The following PCDHA5 variants were observed in gnomAD, a reference collection of about 807,000 sequenced individuals.
The protein encoded by PCDHA5 is protocadherin alpha 5.
PCDHA5 carries 43 observed loss-of-function variants against 61.6 expected under a neutral mutation model. That is an observed-to-expected ratio of 0.70 (90% CI 0.55 to 0.90). The LOEUF is 0.90. PCDHA5 is among the 40% of genes least tolerant of loss of function. The pLI is 0.00. For synonymous variants in PCDHA5, 627 were observed against 543.9 expected, an observed-to-expected ratio of 1.15 and a Z score of -2.13; for missense variants, 1,298 against 1,222.7, an observed-to-expected ratio of 1.06 and a Z score of -0.92.
intron 1 of PCDHA5, among the ~76,000 whole-genome samples, chr5:140,964,575 G>A (rs2153740589): frequency 6.6e-6 from 1 of 152,212 alleles, no homozygotes; most frequent in East Asian, 1.9e-4. Flanking sequence ...GGAGATAAGG[G>A]GAGGAAAGAT....
At chr5:140,948,259 G>A (rs1430770984) in intron 1 of PCDHA5, among the ~76,000 whole-genome samples, 3 of 151,464 alleles carry the variant, frequency 2.0e-5, no homozygotes, top group Non-Finnish European at 3.0e-5. Context: ...TTACATCTGT[G>A]TTCATGTAGA....
chr5:140,922,358 A>T (rs1273986507), intron 1 of PCDHA5, among the ~76,000 whole-genome samples: 2 of 152,212 alleles, frequency 1.3e-5, no homozygotes, highest in African/African-American at 4.8e-5. Flanking sequence ...TAGAGTAGTG[A>T]TTCTCACTGA....
At chr5:140,857,380 G>A (rs138042594) in intron 1 of PCDHA5, 8 of 1,598,488 alleles carry the variant, frequency 5.0e-6, no homozygotes, top group Middle Eastern at 1.7e-4. Flanking sequence ...CTGTGGAGGT[G>A]GCCGACGTGA....
chr5:140,857,728 C>G, intron 1 of PCDHA5: 1 of 1,597,418 alleles, frequency 6.3e-7, no homozygotes, highest in Non-Finnish European at 8.6e-7. Context: ...AGAACGACAA[C>G]GCTCCCGCGC....
Position 140,821,734 on chromosome 5 carries a change from G to A in PCDHA5, c.-42G>A. 5 of 1,534,086 alleles carry A rather than the reference G, an allele frequency of 3.3e-6. No homozygotes were observed. Among genetic ancestry groups the A allele is most frequent in the Non-Finnish European group, 4.4e-6 (5 of 1,134,562 alleles). On this transcript the variant is annotated 5_prime_UTR_variant, in exon 1 of 4. In the 5' UTR this introduces an upstream ATG that the reference lacks. Coordinates refer to ENST00000529859, the MANE Select transcript of PCDHA5 (RefSeq NM_018908.3). ...GAATTGAATTTACAAAATACATTGT[G>A]TGGTGATGCAATAGAAAGCTCATAA...
intron 1 of PCDHA5, chr5:140,877,039 C>A (rs782458785): frequency 6.2e-7 from 1 of 1,612,458 alleles, no homozygotes; most frequent in African/African-American, 1.3e-5. Context: ...GCTGCAGCCG[C>A]TAGACCACGA....
rs2150123830 is a variant in PCDHA5 at position 140,823,235 on chromosome 5, C to T, written c.1460C>T (p.Ala487Val). 4 of 1,613,550 alleles carry T rather than the reference C, an allele frequency of 2.5e-6. No homozygotes were observed. Among genetic ancestry groups the T allele is most frequent in the African/African-American group, 1.3e-5 (1 of 75,054 alleles). ...CGGGACGCGGACGCGCAGGAGAACGCCCTGGTGTCCTACTCGCTGGTGGAG... is the reference window on the plus strand; with the variant it reads ...CGGGACGCGGACGCGCAGGAGAACGTCCTGGTGTCCTACTCGCTGGTGGAG... ...SARDADAQEN[A>V]LVSYSLVERR... The change falls in exon 1 of 4, where the codon GCC becomes GTC. Residue 487 changes from alanine (A) to valine (V), a missense_variant. Ala to Val is a moderately conservative substitution (Grantham distance 64, BLOSUM62 0). Transcript: ENST00000529859.
intron 1 of PCDHA5, among the ~76,000 whole-genome samples, chr5:140,845,293 T>A (rs1779796501): frequency 6.7e-6 from 1 of 149,672 alleles, no homozygotes; most frequent in African/African-American, 2.4e-5. Flanking sequence ...CTATCCTGTC[T>A]ATGTCTACCT....
In PCDHA5 at chr5:140,829,776, C is replaced by A. The variant is rs2150174390; in HGVS notation, c.2352+5649C>A. On this transcript the variant is annotated intron_variant, in intron 1 of 3. Coordinates refer to ENST00000529859, the MANE Select transcript of PCDHA5 (RefSeq NM_018908.3). The stretch of plus-strand genomic sequence containing the variant: ...TTCGTGCTGGACGAGAACGACAACG[C>A]GCCGGCGCTGCTGGCGCCTCGGGTG... The A allele has an allele frequency of 9.3e-6, 15 of 1,613,686 alleles. No homozygotes were observed. In the East Asian group the frequency reaches 3.3e-4, roughly 36 times the overall value.
At chr5:140,889,273 T>C (rs1307102398) in intron 1 of PCDHA5, among the ~76,000 whole-genome samples, 3 of 152,054 alleles carry the variant, frequency 2.0e-5, no homozygotes, top group Admixed American at 6.5e-5. Flanking sequence ...GTATAATCTT[T>C]GAATTACTTC....
intron 1 of PCDHA5, among the ~76,000 whole-genome samples, chr5:140,926,042 T>A (rs1316278838): frequency 2.0e-5 from 3 of 152,148 alleles, no homozygotes; most frequent in African/African-American, 7.2e-5. Context: ...CGGACACTAT[T>A]CCCCAACCTT....
At chr5:140,926,972 C>A (rs782504064) in intron 1 of PCDHA5, 2 of 1,609,464 alleles carry the variant, frequency 1.2e-6, no homozygotes. Flanking sequence ...TACTCAGTGC[C>A]GGAGGAGACG....
At chr5:141,003,039 T>C (rs2098108520) in intron 3 of PCDHA5, among the ~76,000 whole-genome samples, 1 of 152,216 alleles carries the variant, frequency 6.6e-6, no homozygotes, top group Admixed American at 6.5e-5. Flanking sequence ...AAAGCCCTCC[T>C]GGCCTTAACA....
intron 3 of PCDHA5, among the ~76,000 whole-genome samples, chr5:140,986,846 A>G (rs782028314): frequency 6.6e-6 from 1 of 152,200 alleles, no homozygotes; most frequent in Non-Finnish European, 1.5e-5. Flanking sequence ...AAGGGGCAGC[A>G]ACACCAACAA....
chr5:140,909,268 A>C (rs946921668), intron 1 of PCDHA5, among the ~76,000 whole-genome samples: 1 of 152,240 alleles, frequency 6.6e-6, no homozygotes. Context: ...ACTGAAGGCA[A>C]ATTGCTTCTG....
chr5:140,875,632 C>G, intron 1 of PCDHA5: 1 of 1,613,710 alleles, frequency 6.2e-7, no homozygotes, highest in Non-Finnish European at 8.5e-7. Flanking sequence ...GGACCTGGGG[C>G]TGGAGCTGGC....
intron 1 of PCDHA5, among the ~76,000 whole-genome samples, chr5:140,955,553 C>A (rs782183120): frequency 2.6e-5 from 4 of 152,088 alleles, no homozygotes; most frequent in Non-Finnish European, 5.9e-5. Flanking sequence ...TGAGGCCTCC[C>A]CAGCCATACT....
intron 1 of PCDHA5, chr5:140,883,386 G>C (rs1554177993): frequency 6.2e-7 from 1 of 1,614,138 alleles, no homozygotes; most frequent in South Asian, 1.1e-5. Context: ...GCCCTAATCA[G>C]TGTGTCCGAT....
chr5:140,857,812 C>T lies in PCDHA5; in HGVS notation c.2352+33685C>T. ...TGCTGCGGTCGGTGGTTGCGGGTCACGTGGTGGCTAAGGTGCGCGCAGTGG... is the reference window on the plus strand; with the variant it reads ...TGCTGCGGTCGGTGGTTGCGGGTCATGTGGTGGCTAAGGTGCGCGCAGTGG... On this transcript the variant is annotated intron_variant, in intron 1 of 3. Transcript: ENST00000529859. 3.1e-6 allele frequency: 5 copies of T among 1,597,698 alleles called. 1 individual carries two copies. The highest frequency in any genetic ancestry group is 2.2e-5 in the East Asian group (1 of 44,814).
Sources: gnomAD v4.1 joint callset for allele counts (sites outside exome capture counted in the v4.1 genomes callset) on GRCh38, gnomAD v4.1.1 for gene constraint, MANE v1.5 for transcripts, NCBI Gene and HGNC (gene_info 2026-07-23, HGNC 2026-07-21) for gene names.